EPHA6: variants seen among roughly 807,000 people sequenced by gnomAD.
The protein encoded by EPHA6 is EPH receptor A6.
In EPHA6, 50 loss-of-function variants were observed where a neutral mutation model predicts 112.0. The ratio of observed to expected loss-of-function variants is 0.45; its 90% CI spans 0.36 to 0.56. The LOEUF is 0.56. EPHA6 is among the 20% of genes least tolerant of loss of function. The pLI is 0.00. For missense variants in EPHA6, 1,280 were observed against 1,417.4 expected, an observed-to-expected ratio of 0.90 and a Z score of 1.56; for synonymous variants, 529 against 490.7, an observed-to-expected ratio of 1.08 and a Z score of -1.03.
At chr3:96,875,679 TA>T (rs11288268) in intron 2 of EPHA6, among the ~76,000 whole-genome samples, 10,449 of 152,092 alleles carry the variant, frequency 0.069, 707 homozygotes, top group Admixed American at 0.21. Flanking sequence ...CACTGTTCTT[TA>T]ATGAATAGCC....
At chr3:97,284,452 T>G (rs2080396090) in intron 5 of EPHA6, among the ~76,000 whole-genome samples, 2 of 152,200 alleles carry the variant, frequency 1.3e-5, no homozygotes, top group Admixed American at 1.3e-4. Flanking sequence ...TCACACTTAC[T>G]TTTGTTTCAT....
At position 97,455,844 on chromosome 3, in the gene EPHA6, T is replaced by G. The variant is rs371587803; in HGVS notation, c.1894+7114T>G. ...GTAGAAGTCGCCCTTCAAGAGAGAC[T>G]GAATTGACAAAAAAAAAAAAGATAT... On this transcript the variant is annotated intron_variant, in intron 7 of 17. Coordinates refer to ENST00000389672, the MANE Select transcript of EPHA6 (RefSeq NM_001080448.3). Among the ~76,000 whole-genome samples, 41 of 151,126 alleles carry G rather than the reference T, an allele frequency of 2.7e-4. 1 individual carries two copies. The South Asian group carries it at 5.6e-3, about 21-fold the overall frequency.
At chr3:97,464,928 A>G (rs1043536722) in intron 7 of EPHA6, among the ~76,000 whole-genome samples, 9 of 152,264 alleles carry the variant, frequency 5.9e-5, no homozygotes, top group Non-Finnish European at 1.3e-4. Context: ...TGGCAGCAGT[A>G]GGATAGCAGA....
chr3:97,696,954 A>C (rs960105382), intron 14 of EPHA6, among the ~76,000 whole-genome samples: 4 of 152,208 alleles, frequency 2.6e-5, no homozygotes, highest in African/African-American at 9.6e-5. Context: ...CTCAATACTA[A>C]ATTTAGTTTT....
intron 4 of EPHA6, among the ~76,000 whole-genome samples, chr3:97,239,559 G>A (rs1303540485): frequency 6.6e-6 from 1 of 151,772 alleles, no homozygotes; most frequent in East Asian, 1.9e-4. Context: ...GTAAGCAAGA[G>A]AAAATAAAAT....
At chr3:97,488,499 C>T (rs1017769888) in intron 10 of EPHA6, among the ~76,000 whole-genome samples, 1 of 152,190 alleles carries the variant, frequency 6.6e-6, no homozygotes, top group Non-Finnish European at 1.5e-5. Flanking sequence ...CCCTGCCACC[C>T]TCAACCCAGC....
chr3:97,394,819 T>C (rs539784419), intron 5 of EPHA6, among the ~76,000 whole-genome samples: 1 of 151,860 alleles, frequency 6.6e-6, no homozygotes, highest in South Asian at 2.1e-4. Flanking sequence ...TCTTATGCAC[T>C]GTTGTTGGGA....
At chr3:97,241,932 C>A (rs1311517897) in intron 4 of EPHA6, among the ~76,000 whole-genome samples, 1 of 151,428 alleles carries the variant, frequency 6.6e-6, no homozygotes, top group Non-Finnish European at 1.5e-5. Context: ...GTCATTCTGT[C>A]GGAAAACATT....
chr3:97,203,803 A>G (rs1239176638), intron 3 of EPHA6, among the ~76,000 whole-genome samples: 1 of 152,174 alleles, frequency 6.6e-6, no homozygotes, highest in South Asian at 2.1e-4. Context: ...GATTGTCTCT[A>G]TAGTCACTAA....
chr3:96,868,332 T>A (rs1273434506), intron 2 of EPHA6, among the ~76,000 whole-genome samples: 1 of 151,764 alleles, frequency 6.6e-6, no homozygotes, highest in Non-Finnish European at 1.5e-5. Context: ...AATGGAGCTT[T>A]ACTTAATGCT....
At chr3:96,879,331 A>G (rs1000706142) in intron 2 of EPHA6, among the ~76,000 whole-genome samples, 1 of 152,158 alleles carries the variant, frequency 6.6e-6, no homozygotes, top group Non-Finnish European at 1.5e-5. Context: ...ATAAAAATGT[A>G]TAACATATCA....
intron 11 of EPHA6, among the ~76,000 whole-genome samples, chr3:97,549,461 G>T (rs1353479642): frequency 6.6e-6 from 1 of 152,118 alleles, no homozygotes; most frequent in Non-Finnish European, 1.5e-5. Context: ...TGAAGAATAA[G>T]AACAAAATGT....
intron 3 of EPHA6, among the ~76,000 whole-genome samples, chr3:97,213,154 G>A (rs568511810): frequency 7.8e-4 from 119 of 152,226 alleles, no homozygotes; most frequent in African/African-American, 2.6e-3. Flanking sequence ...CATGTTCTCC[G>A]GGTAGTTTCT....
chr3:97,343,516 G>A (rs896737695), intron 5 of EPHA6, among the ~76,000 whole-genome samples: 15 of 152,250 alleles, frequency 9.9e-5, no homozygotes, highest in South Asian at 2.1e-4. Context: ...AAAAGTGAGA[G>A]AGTATATTCA....
intron 3 of EPHA6, among the ~76,000 whole-genome samples, chr3:97,018,944 G>C (rs1355363150): frequency 6.6e-6 from 1 of 152,176 alleles, no homozygotes; most frequent in Admixed American, 6.5e-5. Context: ...GAGCCCTCTG[G>C]TAGCCCTGTC....
At chr3:97,107,680 A>G (rs953113261) in intron 3 of EPHA6, among the ~76,000 whole-genome samples, 10 of 152,098 alleles carry the variant, frequency 6.6e-5, no homozygotes, top group African/African-American at 9.7e-5. Flanking sequence ...TACATCTCCA[A>G]TCTTTTTCAG....
chr3:97,385,656 TG>T (rs2086018669), intron 5 of EPHA6, among the ~76,000 whole-genome samples: 1 of 152,110 alleles, frequency 6.6e-6, no homozygotes, highest in Admixed American at 6.6e-5. Flanking sequence ...TACCTGGGAA[TG>T]GGTAGTTTAC....
intron 5 of EPHA6, among the ~76,000 whole-genome samples, chr3:97,272,812 C>T (rs771650047): frequency 6.6e-6 from 1 of 152,036 alleles, no homozygotes; most frequent in Non-Finnish European, 1.5e-5. Context: ...TGGATGTGTA[C>T]GTGCAGGTCA....
intron 14 of EPHA6, among the ~76,000 whole-genome samples, chr3:97,706,574 C>A (rs2033687696): frequency 6.6e-6 from 1 of 152,198 alleles, no homozygotes; most frequent in African/African-American, 2.4e-5. Flanking sequence ...CAATTTCAGA[C>A]AACTTGCAAT....
Sources: allele counts gnomAD v4.1 joint callset (sites outside exome capture counted in the v4.1 genomes callset), GRCh38; gene constraint gnomAD v4.1.1; transcripts MANE v1.5; gene names NCBI Gene and HGNC (gene_info 2026-07-23, HGNC 2026-07-21).